The following TUB variants were observed in gnomAD, a reference collection of about 807,000 sequenced individuals.
The protein encoded by TUB is TUB bipartite transcription factor.
Under a neutral mutation model 59.7 loss-of-function variants are expected in TUB, and 33 were observed. The ratio of observed to expected loss-of-function variants is 0.55; its 90% confidence interval spans 0.42 to 0.74. TUB has a LOEUF of 0.74. Ranked by LOEUF, TUB falls within the 30% of genes least tolerant of loss-of-function variation. The pLI is 0.00. For missense variants in TUB, 659 were observed against 672.0 expected, an observed-to-expected ratio of 0.98 and a Z score of 0.21; for synonymous variants, 293 against 256.4, an observed-to-expected ratio of 1.14 and a Z score of -1.36.
intron 2 of TUB, among the ~76,000 whole-genome samples, chr11:8,058,030 T>C (rs1480588385): frequency 6.6e-6 from 1 of 151,762 alleles, no homozygotes; most frequent in Non-Finnish European, 1.5e-5. Context: ...GGCAACATGG[T>C]GAGACCCCCA....
chr11:8,096,823 G>A lies in TUB; in HGVS notation c.687+17G>A, dbSNP rs759840784. ...TCCGTCAGGGTGAGTGAGTGAGTCT[G>A]CATCCACAGCAGTTTTTGGAGGACT... On this transcript the variant is annotated intron_variant, in intron 6 of 11. Transcript: ENST00000299506. 2 of 1,613,858 alleles carry A rather than the reference G, an allele frequency of 1.2e-6. No homozygotes were observed. The highest frequency in any genetic ancestry group is 2.7e-5 in the African/African-American group (2 of 74,920).
At chr11:8,035,976 T>C (rs2133720218), upstream of TUB, 1 of 152,406 alleles carries the variant, frequency 6.6e-6, no homozygotes, top group Non-Finnish European at 1.5e-5. Context: ...TCTGTTCTGC[T>C]GAGCAGGGTC....
chr11:8,087,507 G>A (rs1249830168), intron 1 of TUB, among the ~76,000 whole-genome samples: 3 of 152,264 alleles, frequency 2.0e-5, no homozygotes, highest in Non-Finnish European at 4.4e-5. Flanking sequence ...GGGGTTTATA[G>A]CTGCCCTGTG....
chr11:8,100,574 TGAGA>T lies in TUB; in HGVS notation c.1192_1195del (p.Arg398SerfsTer13), dbSNP rs727502810. 3 of 1,614,124 alleles carry T rather than the reference TGAGA, an allele frequency of 1.9e-6. No homozygotes were observed. The highest frequency in any genetic ancestry group is 1.7e-6 in the Non-Finnish European group (2 of 1,179,996). ...TTGTCCCAGGCATGAACATGGTTCA[TGAGA>T]GAGTCTCTATCCGCCCCCGCAACGT... is the stretch of plus-strand genomic sequence containing the variant. On this transcript the variant is annotated frameshift_variant, in exon 10 of 12. Coordinates refer to ENST00000299506, the MANE Select transcript of TUB (RefSeq NM_177972.3). LOFTEE classifies it high-confidence loss of function.
rs566060227 is a variant in TUB, at chr11:8,082,843, T to C, written c.38+1295T>C. Among the ~76,000 whole-genome samples, 15 of 152,348 alleles carry C rather than the reference T, an allele frequency of 9.8e-5. No individual in the cohort carries two copies. The South Asian group carries it at 2.9e-3, about 29-fold the overall frequency. On this transcript the variant is annotated intron_variant, in intron 1 of 11. Coordinates refer to ENST00000299506, the MANE Select transcript of TUB (RefSeq NM_177972.3). ...AATTGTTACCTCTAATCTCAGCTCCTGTGGGGGATTCAGGGGTTTCCAGGT... is the reference window on the plus strand; with the variant it reads ...AATTGTTACCTCTAATCTCAGCTCCCGTGGGGGATTCAGGGGTTTCCAGGT...
At chr11:8,097,978 C>T (rs751431073) in intron 8 of TUB, 152 bp downstream of exon 8, 82 of 645,346 alleles carry the variant, frequency 1.3e-4, no homozygotes, top group Non-Finnish European at 2.1e-4. Context: ...AACTGGAGGC[C>T]TATGTCTATG....
At chr11:8,029,344 C>T (rs1232072534) in intron 1 of TUB, among the ~76,000 whole-genome samples, 1 of 150,614 alleles carries the variant, frequency 6.6e-6, no homozygotes, top group Non-Finnish European at 1.5e-5. Context: ...GCTTCTTCCA[C>T]TTTTAAAGTT....
chr11:8,095,364 TA>T (rs1310643711), intron 4 of TUB, 133 bp from the exon 5 acceptor site: 2 of 889,280 alleles, frequency 2.2e-6, no homozygotes, highest in Non-Finnish European at 1.7e-6. Context: ...ATTAGTTTTA[TA>T]AAAATCACTT....
intron 2 of TUB, among the ~76,000 whole-genome samples, chr11:8,056,711 A>T (rs564088614): frequency 6.6e-6 from 1 of 151,850 alleles, no homozygotes; most frequent in South Asian, 2.1e-4. Flanking sequence ...GTCTGAGGTG[A>T]TGTGTGGGAG....
upstream of TUB, chr11:8,035,400 A>T (rs921868575): frequency 1.3e-5 from 2 of 152,278 alleles, no homozygotes; most frequent in East Asian, 3.9e-4. Flanking sequence ...CGAGAGCTTT[A>T]TTCAGCTTAC....
intron 2 of TUB, among the ~76,000 whole-genome samples, chr11:8,054,407 C>T (rs987544260): frequency 5.9e-5 from 9 of 152,214 alleles, no homozygotes; most frequent in Admixed American, 5.2e-4. Context: ...CTCTGACTTT[C>T]CACATGCCCC....
At chr11:8,020,641 ATCG>A (rs1942410816) in intron 1 of TUB, among the ~76,000 whole-genome samples, 2 of 152,126 alleles carry the variant, frequency 1.3e-5, no homozygotes, top group Admixed American at 1.3e-4. Context: ...GGGGAAATAT[ATCG>A]TCTGAATTGG....
At chr11:8,072,128 T>G in intron 2 of TUB, among the ~76,000 whole-genome samples, 1 of 149,382 alleles carries the variant, frequency 6.7e-6, no homozygotes, top group African/African-American at 2.5e-5. Context: ...GGACCAGGAG[T>G]CGGGAGAGAG....
intron 2 of TUB, chr11:8,069,045 G>A (rs527681586): frequency 1.2e-4 from 19 of 152,332 alleles, no homozygotes; most frequent in African/African-American, 4.3e-4. Context: ...AGGAAGGGCC[G>A]CTGCAGGTCA....
chr11:8,092,775 C>A (rs1263702400), intron 3 of TUB, among the ~76,000 whole-genome samples: 1 of 152,162 alleles, frequency 6.6e-6, no homozygotes, highest in Admixed American at 6.5e-5. Flanking sequence ...TACCCAGGAA[C>A]TGGTGTTTCC....
intron 4 of TUB, among the ~76,000 whole-genome samples, chr11:8,094,402 A>G (rs1371694616): frequency 6.6e-6 from 1 of 152,032 alleles, no homozygotes; most frequent in Non-Finnish European, 1.5e-5. Context: ...CATGCCTACC[A>G]CACTGCCAGG....
intron 1 of TUB, among the ~76,000 whole-genome samples, chr11:8,025,340 A>C (rs758314157): frequency 2.6e-5 from 4 of 152,086 alleles, no homozygotes; most frequent in Non-Finnish European, 4.4e-5. Context: ...GAGGCGAGGG[A>C]ATGAGTCATG....
In TUB at chr11:8,102,789, T is replaced by A. The variant is rs1944360930; in HGVS notation, c.*1170T>A. ...GTACAACCTTGTTGCTTTAGGTGAG[T>A]CACACTCAGAAAATGGGGCTTGCCC... On this transcript the variant is annotated 3_prime_UTR_variant, in exon 12 of 12. Transcript: ENST00000299506. 1 of 152,074 alleles carries A rather than the reference T, an allele frequency of 6.6e-6. No homozygotes were observed. Among genetic ancestry groups the A allele is most frequent in the African/African-American group, 2.4e-5 (1 of 41,398 alleles). The allele number at this position is 152,074 out of a possible 1,614,324, so 9.4% of individuals were successfully genotyped here. A position where few individuals can be genotyped will look rare whatever the true frequency, so the allele number is the denominator to read the frequency against.
Position 8,101,850 on chromosome 11 carries a change from T to G in TUB, c.*231T>G. ...GGTGTGAAGGGATGAGAATAATTCT[T>G]TCCATGCCACGAGATCAACACACAC... On this transcript the variant is annotated 3_prime_UTR_variant, in exon 12 of 12. Transcript: ENST00000299506. 11 of 482,806 alleles carry G rather than the reference T, an allele frequency of 2.3e-5. No homozygotes were observed. The highest frequency in any genetic ancestry group is 3.9e-5 in the East Asian group (1 of 25,888). 29.9% of individuals were successfully genotyped at this position (482,806 alleles called of 1,614,324 possible). A position where few individuals can be genotyped will look rare whatever the true frequency, so the allele number is the denominator to read the frequency against.
Sources: gnomAD v4.1 joint callset for allele counts (sites outside exome capture counted in the v4.1 genomes callset) on GRCh38, gnomAD v4.1.1 for gene constraint, MANE v1.5 for transcripts, NCBI Gene and HGNC (gene_info 2026-07-23, HGNC 2026-07-21) for gene names.